The following RELN variants were observed in gnomAD, a reference collection of about 807,000 sequenced individuals.
The protein encoded by RELN is reelin.
In RELN, 108 loss-of-function variants were observed where a neutral mutation model predicts 427.6. That is an observed-to-expected ratio of 0.25 (90% confidence interval 0.22 to 0.30). The LOEUF is 0.30. Ranked by LOEUF, RELN falls within the 10% of genes least tolerant of loss-of-function variation. The pLI, the probability that RELN is intolerant of heterozygous loss-of-function variation, is 1.00. For synonymous variants in RELN, 1,524 were observed against 1,513.4 expected (o/e 1.01, Z -0.16); for missense variants, 3,715 against 4,302.8 (o/e 0.86, Z 3.82).
At chr7:103,759,607 A>G (rs1044406262) in intron 4 of RELN, among the ~76,000 whole-genome samples, 10 of 152,178 alleles carry the variant, frequency 6.6e-5, no homozygotes, top group African/African-American at 2.2e-4. Context: ...AAAGGTGAAA[A>G]ATTATTTTTA....
At chr7:103,682,337 A>C (rs1833672725) in intron 10 of RELN, 76 bp from the exon 11 acceptor site, 1 of 1,510,796 alleles carries the variant, frequency 6.6e-7, no homozygotes, top group Non-Finnish European at 9.2e-7. Context: ...ATGTATAATT[A>C]GAGTTTTTAG....
chr7:103,600,930 A>C (rs1439764244), intron 24 of RELN, among the ~76,000 whole-genome samples: 1 of 152,208 alleles, frequency 6.6e-6, no homozygotes, highest in Non-Finnish European at 1.5e-5. Flanking sequence ...CTTTACTTGC[A>C]TCGACTTACT....
At chr7:103,671,010 T>C (rs1833380142) in intron 11 of RELN, among the ~76,000 whole-genome samples, 1 of 152,114 alleles carries the variant, frequency 6.6e-6, no homozygotes, top group African/African-American at 2.4e-5. Context: ...AAAAATCTCA[T>C]ATAAATTCTC....
At chr7:103,613,567 G>A (rs1832011621) in intron 20 of RELN, among the ~76,000 whole-genome samples, 1 of 152,114 alleles carries the variant, frequency 6.6e-6, no homozygotes, top group African/African-American at 2.4e-5. Context: ...CTTTTAAGTA[G>A]GCAAAAGAAA....
intron 20 of RELN, among the ~76,000 whole-genome samples, chr7:103,613,617 T>C (rs1832012550): frequency 6.6e-6 from 1 of 152,208 alleles, no homozygotes; most frequent in Non-Finnish European, 1.5e-5. Context: ...GCATTGCTTT[T>C]AGCTTCAAGG....
rs142889546 is a variant in RELN at position 103,607,433 on chromosome 7, G to A, written c.3009-2950C>T. On this transcript the variant is annotated intron_variant, in intron 22 of 64. Transcript: ENST00000428762. Reference sequence around the variant, plus strand: ...TCTGATCTGCAGCGGTATCATTGCTGTGTCTCTCCCTCAATACAAATATTT... The same window carrying A: ...TCTGATCTGCAGCGGTATCATTGCTATGTCTCTCCCTCAATACAAATATTT... Among the ~76,000 whole-genome samples, 491 of 152,264 alleles carry A rather than the reference G, an allele frequency of 3.2e-3. 3 individuals carry two copies. The highest frequency in any genetic ancestry group is 0.011 in the African/African-American group (464 of 41,550).
At chr7:103,951,153 C>T (rs929021958) in intron 1 of RELN, among the ~76,000 whole-genome samples, 1 of 152,004 alleles carries the variant, frequency 6.6e-6, no homozygotes, top group Admixed American at 6.6e-5. Context: ...TGAGTGGGTC[C>T]CCCAGTCCTC....
intron 4 of RELN, among the ~76,000 whole-genome samples, chr7:103,764,358 G>C (rs973136549): frequency 6.6e-6 from 1 of 152,118 alleles, no homozygotes; most frequent in Admixed American, 6.5e-5. Flanking sequence ...TGAGAGAATT[G>C]AGACTCAAAG....
intron 27 of RELN, among the ~76,000 whole-genome samples, chr7:103,590,699 G>A (rs541798385): frequency 9.9e-5 from 15 of 152,248 alleles, no homozygotes; most frequent in African/African-American, 3.6e-4. Flanking sequence ...TTACTGTTTG[G>A]TGTACTTGTA....
intron 63 of RELN, 110 bp downstream of exon 63, chr7:103,482,763 T>G: frequency 6.4e-7 from 1 of 1,573,296 alleles, no homozygotes; most frequent in Admixed American, 1.8e-5. Flanking sequence ...AGTGCTCCTG[T>G]GGGGGCTTCT....
At chr7:103,760,873 T>G (rs903761280) in intron 4 of RELN, among the ~76,000 whole-genome samples, 1 of 147,286 alleles carries the variant, frequency 6.8e-6, no homozygotes, top group Non-Finnish European at 1.5e-5. Context: ...GCTATGAACC[T>G]AGACTTTCAT....
In RELN at chr7:103,833,325, A is replaced by G. The variant is rs557592436; in HGVS notation, c.473+212T>C. Among the ~76,000 whole-genome samples the G allele has an allele frequency of 9.2e-5, 14 of 152,316 alleles. No homozygotes were observed. The South Asian group carries it at 2.5e-3, about 27-fold the overall frequency. On this transcript the variant is annotated intron_variant, in intron 3 of 64. Transcript: ENST00000428762. ...ATTTTTGTCAGCTAAAATCCAATTT[A>G]GACCTTTGGAGGTACATATAACTAT...
chr7:103,739,597 T>C (rs556379575), intron 6 of RELN, among the ~76,000 whole-genome samples: 1 of 152,310 alleles, frequency 6.6e-6, no homozygotes, highest in East Asian at 1.9e-4. Context: ...TGGTCCAGGG[T>C]AAAGTGCAGA....
At chr7:103,975,823 G>A (rs188624154) in intron 1 of RELN, among the ~76,000 whole-genome samples, 3 of 151,430 alleles carry the variant, frequency 2.0e-5, no homozygotes, top group Admixed American at 2.0e-4. Flanking sequence ...TAGGATTACA[G>A]GCGTGAGCCA....
At chr7:103,676,681 C>T (rs913732375) in intron 11 of RELN, among the ~76,000 whole-genome samples, 1 of 152,166 alleles carries the variant, frequency 6.6e-6, no homozygotes, top group Non-Finnish European at 1.5e-5. Flanking sequence ...AAATGTGTCA[C>T]ATATACACCA....
chr7:103,524,113 C>A (rs375737582), intron 46 of RELN, among the ~76,000 whole-genome samples: 29 of 152,284 alleles, frequency 1.9e-4, no homozygotes, highest in African/African-American at 7.0e-4. Context: ...GAAACAAAAA[C>A]GAATCCTAAA....
chr7:103,753,149 A>T, intron 5 of RELN, 33 bp downstream of exon 5: 6 of 1,610,804 alleles, frequency 3.7e-6, no homozygotes, highest in Non-Finnish European at 5.1e-6. Flanking sequence ...ATCAAGTACT[A>T]AAGTTAATGA....
intron 2 of RELN, among the ~76,000 whole-genome samples, chr7:103,838,318 C>G (rs1421760645): frequency 6.7e-6 from 1 of 149,698 alleles, no homozygotes; most frequent in African/African-American, 2.5e-5. Context: ...AATTATAACA[C>G]ATATTTCACA....
chr7:103,832,305 T>G (rs1793292894), intron 3 of RELN, among the ~76,000 whole-genome samples: 1 of 152,292 alleles, frequency 6.6e-6, no homozygotes, highest in Admixed American at 6.5e-5. Flanking sequence ...TGAACTGCCT[T>G]TGACTTTACA....
Sources: allele counts gnomAD v4.1 joint callset (sites outside exome capture counted in the v4.1 genomes callset), GRCh38; gene constraint gnomAD v4.1.1; transcripts MANE v1.5; gene names NCBI Gene and HGNC (gene_info 2026-07-23, HGNC 2026-07-21).